Variants in SPAG9 observed in about 807,000 individuals in gnomAD.
SPAG9 encodes C-Jun-amino-terminal kinase-interacting protein 4.
Under a neutral mutation model 166.5 loss-of-function variants are expected in SPAG9, and 35 were observed. The observed-to-expected ratio is 0.21, with a 90% CI of 0.16 to 0.28. The LOEUF is 0.28. Among genes scored for constraint, SPAG9 ranks in the 10% least tolerant of loss-of-function variants. The pLI, the probability that SPAG9 is intolerant of heterozygous loss-of-function variation, is 1.00. For missense variants in SPAG9, 1,235 were observed against 1,603.3 expected (o/e 0.77, Z 3.92); for synonymous variants, 534 against 565.5 (o/e 0.94, Z 0.79).
intron 5 of SPAG9, among the ~76,000 whole-genome samples, chr17:51,037,675 ATATATATATAGT>A (rs1350251802): frequency 3.0e-5 from 3 of 98,566 alleles, no homozygotes; most frequent in Non-Finnish European, 7.3e-5. Flanking sequence ...TTATATATAT[ATATATATATAGT>A]GTGTGTGTGT....
chr17:51,052,784 C>A (rs1312167908), intron 3 of SPAG9, among the ~76,000 whole-genome samples: 1 of 152,074 alleles, frequency 6.6e-6, no homozygotes, highest in Non-Finnish European at 1.5e-5. Context: ...TTAGGCCAGG[C>A]ATGGTAGCTC....
chr17:51,003,285 G>A (rs2045043765), intron 12 of SPAG9, among the ~76,000 whole-genome samples: 1 of 152,002 alleles, frequency 6.6e-6, no homozygotes, highest in Non-Finnish European at 1.5e-5. Context: ...AAAGGATAGT[G>A]CAGATTTTAA....
At chr17:51,095,727 G>C (rs1439923756) in intron 1 of SPAG9, among the ~76,000 whole-genome samples, 1 of 147,210 alleles carries the variant, frequency 6.8e-6, no homozygotes, top group Admixed American at 6.9e-5. Context: ...TATACATATA[G>C]TGATATATAC....
chr17:50,982,696 A>G, intron 24 of SPAG9, 24 bp from the exon 25 acceptor site: 1 of 1,580,074 alleles, frequency 6.3e-7, no homozygotes, highest in African/African-American at 1.4e-5. Context: ...AAAAGGTTAT[A>G]GTAAATACAT....
intron 9 of SPAG9, among the ~76,000 whole-genome samples, chr17:51,010,579 A>AT (rs1290929476): frequency 1.7e-4 from 22 of 127,206 alleles, no homozygotes; most frequent in African/African-American, 5.2e-4. Flanking sequence ...AAAAAAAAAA[A>AT]AAAATATATA....
At position 50,962,773 on chromosome 17, in the gene SPAG9, C is replaced by T. The variant is rs1973189236; in HGVS notation, c.*3499G>A. 1 of 152,154 alleles carries T rather than the reference C, an allele frequency of 6.6e-6. No individual in the cohort carries two copies. Among genetic ancestry groups the T allele is most frequent in the Non-Finnish European group, 1.5e-5 (1 of 68,008 alleles). The allele number at this position is 152,154 out of a possible 1,614,324, so 9.4% of individuals were successfully genotyped here. ...TGTTTTATTTTGTTACTAAGGCAGC[C>T]TATGTTAAAGGGTCTCGTCTCAAAT... On this transcript the variant is annotated 3_prime_UTR_variant, in exon 30 of 30. Transcript: ENST00000262013.
At position 50,974,926 on chromosome 17, in the gene SPAG9, G is replaced by A; in HGVS notation, c.3545C>T (p.Pro1182Leu). 6.2e-7 allele frequency: 1 copy of A among 1,608,624 alleles called. No homozygotes were observed. Among genetic ancestry groups the A allele is most frequent in the East Asian group, 2.2e-5 (1 of 44,600 alleles). ...LTETNKTSGVPGNRPGSVIRV... is the reference protein window; with the variant it reads ...LTETNKTSGVLGNRPGSVIRV... ...GATTACACTTCCAGGACGATTTCCT[G>A]GTACACCTGAGGTTTTATTTGCTGC... Residue 1182 changes from proline (P) to leucine (L), a missense_variant, in exon 28 of 30, where the codon CCA (proline) becomes CTA (leucine). Physicochemically the swap from Pro to Leu is moderately conservative, Grantham distance 98. Transcript: ENST00000262013.
intron 2 of SPAG9, among the ~76,000 whole-genome samples, chr17:51,068,643 C>G (rs144418867): frequency 6.6e-6 from 1 of 152,308 alleles, no homozygotes; most frequent in East Asian, 1.9e-4. Flanking sequence ...CATTTTCTCT[C>G]ACTTAATCTT....
At chr17:51,072,220 C>T (rs886177603) in intron 2 of SPAG9, among the ~76,000 whole-genome samples, 5 of 102,188 alleles carry the variant, frequency 4.9e-5, no homozygotes, top group Admixed American at 1.8e-4. Context: ...TACAGGCATG[C>T]GCCACCACAC....
intron 1 of SPAG9, among the ~76,000 whole-genome samples, chr17:51,115,657 C>T (rs1290209303): frequency 6.6e-6 from 1 of 151,796 alleles, no homozygotes; most frequent in African/African-American, 2.4e-5. Context: ...ATGCAGAAAC[C>T]CCAACTCCAC....
At chr17:51,010,199 T>C (rs1415566091) in intron 9 of SPAG9, among the ~76,000 whole-genome samples, 1 of 152,192 alleles carries the variant, frequency 6.6e-6, no homozygotes, top group African/African-American at 2.4e-5. Context: ...TTTTATCTAG[T>C]TCTACATGTG....
intron 1 of SPAG9, among the ~76,000 whole-genome samples, chr17:51,100,518 C>T (rs1399892078): frequency 6.6e-6 from 1 of 152,112 alleles, no homozygotes. Flanking sequence ...CCTACAGTAC[C>T]TGCTACTTGG....
At chr17:51,053,855 G>GCATATA (rs1555650769) in intron 3 of SPAG9, among the ~76,000 whole-genome samples, 1 of 37,760 alleles carries the variant, frequency 2.6e-5, no homozygotes, top group Non-Finnish European at 4.5e-5. Flanking sequence ...AAAAAAAAAA[G>GCATATA]TATATATATA....
intron 27 of SPAG9, 77 bp downstream of exon 27, chr17:50,977,031 A>G (rs1974255721): frequency 2.2e-6 from 2 of 909,246 alleles, no homozygotes; most frequent in African/African-American, 3.3e-5. Flanking sequence ...GAGCTAACAC[A>G]GATTTGAATT....
intron 5 of SPAG9, among the ~76,000 whole-genome samples, chr17:51,036,466 G>A (rs962951470): frequency 2.6e-5 from 4 of 151,926 alleles, no homozygotes; most frequent in Admixed American, 6.6e-5. Flanking sequence ...AGTCTCTTAC[G>A]GTCTCTCTTC....
chr17:51,066,109 C>CG (rs1345996716), intron 2 of SPAG9, among the ~76,000 whole-genome samples: 1 of 147,244 alleles, frequency 6.8e-6, no homozygotes, highest in African/African-American at 2.5e-5. Flanking sequence ...CCCCATTACG[C>CG]TTTTTTTTTT....
Position 51,074,597 on chromosome 17 carries a change from T to C in SPAG9, c.424+4987A>G, listed in dbSNP as rs530585432. Among the ~76,000 whole-genome samples the C allele has an allele frequency of 1.1e-4, 17 of 152,296 alleles. No homozygotes were observed. In the South Asian group the frequency reaches 3.5e-3, roughly 32 times the overall value. On this transcript the variant is annotated intron_variant, in intron 2 of 29. Coordinates refer to ENST00000262013, the MANE Select transcript of SPAG9 (RefSeq NM_001130528.3). ...AATTCTTTGGAGGATAATATATTCA[T>C]AACAAAAATAAAGTTTTTAGATCAA...
At chr17:51,081,829 A>G (rs1336108092) in intron 1 of SPAG9, among the ~76,000 whole-genome samples, 2 of 152,026 alleles carry the variant, frequency 1.3e-5, no homozygotes, top group South Asian at 4.2e-4. Flanking sequence ...AAGGATCTAC[A>G]CAACATGCTT....
chr17:51,079,087 T>C (rs2144637188), intron 2 of SPAG9, among the ~76,000 whole-genome samples: 1 of 152,270 alleles, frequency 6.6e-6, no homozygotes, highest in South Asian at 2.1e-4. Context: ...TCTGCACACA[T>C]GGGTACCATG....
Sources: gnomAD v4.1 joint callset for allele counts (sites outside exome capture counted in the v4.1 genomes callset) on GRCh38, gnomAD v4.1.1 for gene constraint, MANE v1.5 for transcripts, NCBI Gene and HGNC (gene_info 2026-07-23, HGNC 2026-07-21) for gene names.